The following ZDHHC14 variants were observed in gnomAD, a reference collection of about 807,000 sequenced individuals.
ZDHHC14 encodes palmitoyltransferase ZDHHC14.
ZDHHC14 carries 16 observed loss-of-function variants against 47.7 expected under a neutral mutation model. The observed-to-expected ratio is 0.34, with a 90% CI of 0.23 to 0.51. The LOEUF (loss-of-function observed/expected upper bound fraction) is 0.51. Among genes scored for constraint, ZDHHC14 ranks in the 20% least tolerant of loss-of-function variants. The probability of loss-of-function intolerance (pLI) is 0.97; values close to 1 mark genes in which losing one functional copy is unlikely to be tolerated. For missense variants in ZDHHC14, 515 were observed against 662.5 expected, an observed-to-expected ratio of 0.78 and a Z score of 2.44; for synonymous variants, 293 against 278.9, an observed-to-expected ratio of 1.05 and a Z score of -0.50.
At chr6:157,409,050 T>C (rs1197134689) in intron 1 of ZDHHC14, among the ~76,000 whole-genome samples, 1 of 152,240 alleles carries the variant, frequency 6.6e-6, no homozygotes, top group Non-Finnish European at 1.5e-5. Flanking sequence ...CCTTAAGAGC[T>C]ACTGCGTGGC....
At chr6:157,629,529 G>A (rs778985431) in intron 4 of ZDHHC14, 1 of 152,106 alleles carries the variant, frequency 6.6e-6, no homozygotes, top group Admixed American at 6.5e-5. Flanking sequence ...TTCGTATGGG[G>A]GTGGGGAAGT....
chr6:157,647,669 C>G (rs1368804727), intron 7 of ZDHHC14, among the ~76,000 whole-genome samples: 3 of 152,162 alleles, frequency 2.0e-5, no homozygotes, highest in African/African-American at 7.2e-5. Context: ...ACTGAAGGTG[C>G]GTGCAGGGAG....
intron 1 of ZDHHC14, among the ~76,000 whole-genome samples, chr6:157,518,752 G>A (rs1426903300): frequency 6.6e-6 from 1 of 152,072 alleles, no homozygotes; most frequent in Non-Finnish European, 1.5e-5. Flanking sequence ...TGGAACCTTG[G>A]ATTTAAGCCA....
chr6:157,653,660 C>T, intron 8 of ZDHHC14, 33 bp downstream of exon 8: 1 of 1,599,464 alleles, frequency 6.3e-7, no homozygotes, highest in South Asian at 1.1e-5. Context: ...CCTGCGAGGG[C>T]TTCCCTTTTG....
chr6:157,671,208 C>T (rs893949995), intron 8 of ZDHHC14, among the ~76,000 whole-genome samples: 2 of 152,182 alleles, frequency 1.3e-5, no homozygotes, highest in African/African-American at 4.8e-5. Context: ...ATTTATTAAG[C>T]ATCTGCTGTG....
At position 157,657,620 on chromosome 6, in the gene ZDHHC14, G is replaced by C. The variant is rs561097817; in HGVS notation, c.1068+3993G>C. Among the ~76,000 whole-genome samples the C allele has an allele frequency of 3.0e-4, 45 of 152,238 alleles. No individual in the cohort carries two copies. In the South Asian group the frequency reaches 9.4e-3, roughly 32 times the overall value. On this transcript the variant is annotated intron_variant, in intron 8 of 8. Coordinates refer to ENST00000359775, the MANE Select transcript of ZDHHC14 (RefSeq NM_024630.3). ...GAAGCCCTCCATCAGTGAGTACCAT[G>C]GTCTACCGCCTCCATACCAGAGACA...
chr6:157,590,378 G>A (rs1483010251), intron 2 of ZDHHC14, among the ~76,000 whole-genome samples: 1 of 152,148 alleles, frequency 6.6e-6, no homozygotes, highest in Admixed American at 6.5e-5. Flanking sequence ...TCAGGTCCAG[G>A]GCCCCCTGCT....
chr6:157,382,722 TCAGTTG>T (rs1777239741), intron 1 of ZDHHC14, among the ~76,000 whole-genome samples: 1 of 152,220 alleles, frequency 6.6e-6, no homozygotes, highest in African/African-American at 2.4e-5. Flanking sequence ...CTTCTTAAGC[TCAGTTG>T]ACTGAATCTC....
intron 2 of ZDHHC14, among the ~76,000 whole-genome samples, chr6:157,553,930 G>A (rs964396855): frequency 1.3e-5 from 2 of 152,138 alleles, no homozygotes; most frequent in South Asian, 2.1e-4. Flanking sequence ...TCCCATGAGG[G>A]CTCTTCCTGC....
At chr6:157,413,529 A>G (rs1777911549) in intron 1 of ZDHHC14, among the ~76,000 whole-genome samples, 1 of 151,950 alleles carries the variant, frequency 6.6e-6, no homozygotes, top group Non-Finnish European at 1.5e-5. Context: ...TAATTCTTTC[A>G]GAAAGATTTT....
At chr6:157,540,868 A>G (rs1358906052) in intron 1 of ZDHHC14, among the ~76,000 whole-genome samples, 1 of 126,520 alleles carries the variant, frequency 7.9e-6, no homozygotes, top group East Asian at 2.1e-4. Context: ...TATATAACAT[A>G]TATAGATATA....
At chr6:157,501,933 G>A (rs1392101512) in intron 1 of ZDHHC14, among the ~76,000 whole-genome samples, 2 of 152,178 alleles carry the variant, frequency 1.3e-5, no homozygotes, top group African/African-American at 4.8e-5. Context: ...AGTCTGGAAG[G>A]ATTCTAAGGC....
At chr6:157,480,190 A>T (rs542786632) in intron 1 of ZDHHC14, among the ~76,000 whole-genome samples, 30 of 149,746 alleles carry the variant, frequency 2.0e-4, no homozygotes, top group South Asian at 8.4e-4. Context: ...TCTTCCTTTC[A>T]TCTGTCCTTG....
chr6:157,648,358 A>G (rs1359378477), intron 7 of ZDHHC14, among the ~76,000 whole-genome samples: 1 of 152,162 alleles, frequency 6.6e-6, no homozygotes, highest in Non-Finnish European at 1.5e-5. Context: ...CCCAGACCTT[A>G]CCGATATGCG....
chr6:157,623,632 C>T (rs375867498), intron 3 of ZDHHC14, among the ~76,000 whole-genome samples: 24 of 151,458 alleles, frequency 1.6e-4, no homozygotes, highest in African/African-American at 5.6e-4. Context: ...AGCTTGCACC[C>T]TCCACCTCCT....
At chr6:157,556,296 C>T (rs1782461282) in intron 2 of ZDHHC14, among the ~76,000 whole-genome samples, 1 of 152,144 alleles carries the variant, frequency 6.6e-6, no homozygotes, top group Admixed American at 6.5e-5. Context: ...CACCCCACAG[C>T]GCTCGCTGTC....
At chr6:157,473,370 T>A (rs1354400616) in intron 1 of ZDHHC14, among the ~76,000 whole-genome samples, 1 of 152,224 alleles carries the variant, frequency 6.6e-6, no homozygotes, top group Non-Finnish European at 1.5e-5. Context: ...CTTCGATAAG[T>A]TTCACTTTTT....
chr6:157,561,091 G>A (rs1300392588), intron 2 of ZDHHC14, among the ~76,000 whole-genome samples: 2 of 152,254 alleles, frequency 1.3e-5, no homozygotes, highest in African/African-American at 2.4e-5. Flanking sequence ...GAGCGTGGGG[G>A]TGTTAGCTGC....
intron 1 of ZDHHC14, among the ~76,000 whole-genome samples, chr6:157,389,201 T>C (rs2749669): frequency 0.68 from 103,590 of 151,978 alleles, 37,006 homozygotes; most frequent in Middle Eastern, 0.89. Flanking sequence ...TCCAGAAAGG[T>C]TGCAAGACTA....
Sources: allele counts gnomAD v4.1 joint callset (sites outside exome capture counted in the v4.1 genomes callset), GRCh38; gene constraint gnomAD v4.1.1; transcripts MANE v1.5; gene names NCBI Gene and HGNC (gene_info 2026-07-23, HGNC 2026-07-21).